EYS: variants seen among roughly 807,000 people sequenced by gnomAD.
EYS encodes the protein EGF-like photoreceptor maintenance factor.
Under a neutral mutation model 282.1 loss-of-function variants are expected in EYS, and 250 were observed. The observed-to-expected ratio is 0.89, with a 90% CI of 0.80 to 0.98. The LOEUF is 0.98. Ranked by LOEUF, EYS falls within the 50% of genes least tolerant of loss-of-function variation. The pLI, the probability that EYS is intolerant of heterozygous loss-of-function variation, is 0.00. For synonymous variants in EYS, 1,355 were observed against 1,282.9 expected, an observed-to-expected ratio of 1.06 and a Z score of -1.20; for missense variants, 4,016 against 3,709.0, an observed-to-expected ratio of 1.08 and a Z score of -2.15.
chr6:63,813,755 A>G (rs1004453008), intron 36 of EYS, among the ~76,000 whole-genome samples: 1 of 152,088 alleles, frequency 6.6e-6, no homozygotes, highest in African/African-American at 2.4e-5. Flanking sequence ...AATCCAATTC[A>G]GTTCTTCCTT....
At chr6:64,197,949 ATTAT>A (rs1390398130) in intron 31 of EYS, among the ~76,000 whole-genome samples, 1 of 151,376 alleles carries the variant, frequency 6.6e-6, no homozygotes, top group Non-Finnish European at 1.5e-5. Flanking sequence ...ATTATCCTCC[ATTAT>A]TTATTTTACA....
intron 22 of EYS, among the ~76,000 whole-genome samples, chr6:64,756,712 A>T (rs549253657): frequency 1.3e-5 from 2 of 152,336 alleles, no homozygotes; most frequent in South Asian, 4.1e-4. Context: ...CACAGAATAC[A>T]TCTTAGATGA....
intron 12 of EYS, among the ~76,000 whole-genome samples, chr6:65,274,240 A>G (rs1460638177): frequency 9.2e-5 from 14 of 152,200 alleles, no homozygotes; most frequent in Non-Finnish European, 4.4e-5. Flanking sequence ...CAAAAGCAAT[A>G]TAGTATTTAT....
chr6:64,626,040 A>G, intron 23 of EYS, 81 bp downstream of exon 23: 1 of 831,510 alleles, frequency 1.2e-6, no homozygotes, highest in Non-Finnish European at 1.9e-6. Context: ...AAATTGTATT[A>G]TACATACATG....
intron 12 of EYS, among the ~76,000 whole-genome samples, chr6:65,137,504 G>A (rs78284612): frequency 0.033 from 4,959 of 152,158 alleles, 118 homozygotes; most frequent in Middle Eastern, 0.061. Context: ...AGATGGAATG[G>A]AGAATCAGGG....
Position 64,626,130 on chromosome 6 carries a change from A to G in EYS, c.3559T>C (p.Cys1187Arg). ...TTTTTAAAATAATTACCTGGTTGGC[A>G]TTTGCAAACATATCCATTGATGTGA... Reference protein sequence around the residue: ...EDHINGYVCKCQPGWSGHHCE... With the variant: ...EDHINGYVCKRQPGWSGHHCE... The change falls in exon 23 of 43, where the codon TGC becomes CGC. Residue 1187 changes from cysteine (C) to arginine (R), a missense_variant. Transcript: ENST00000503581. 2 of 1,537,758 alleles carry G rather than the reference A, an allele frequency of 1.3e-6. No individual in the cohort carries two copies. Among genetic ancestry groups the G allele is most frequent in the African/African-American group, 1.4e-5 (1 of 72,776 alleles).
At chr6:64,542,995 T>C (rs952492422) in intron 26 of EYS, among the ~76,000 whole-genome samples, 9 of 152,126 alleles carry the variant, frequency 5.9e-5, no homozygotes, top group Non-Finnish European at 1.3e-4. Context: ...GAAATTGATG[T>C]CTTAGTTCAA....
chr6:64,244,611 A>T (rs905234640), intron 30 of EYS, among the ~76,000 whole-genome samples: 1 of 152,162 alleles, frequency 6.6e-6, no homozygotes, highest in East Asian at 1.9e-4. Context: ...TCCTGTTAAA[A>T]TATGTATTAT....
chr6:64,863,226 C>A, intron 19 of EYS, among the ~76,000 whole-genome samples: 1 of 152,080 alleles, frequency 6.6e-6, no homozygotes, highest in East Asian at 1.9e-4. Context: ...TTACTTTCAT[C>A]CATTTTAGTT....
intron 22 of EYS, among the ~76,000 whole-genome samples, chr6:64,687,693 T>C (rs1164303553): frequency 6.6e-6 from 1 of 152,364 alleles, no homozygotes; most frequent in African/African-American, 2.4e-5. Context: ...TTTTTTGTTG[T>C]GTCTCTGCCA....
intron 33 of EYS, among the ~76,000 whole-genome samples, chr6:64,062,683 C>T (rs1362880385): frequency 1.4e-5 from 2 of 140,654 alleles, no homozygotes; most frequent in Non-Finnish European, 3.0e-5. Flanking sequence ...AAGAGCAGAA[C>T]TCCAACTCAA....
chr6:64,840,234 G>T (rs1765521275), intron 19 of EYS, among the ~76,000 whole-genome samples: 1 of 151,968 alleles, frequency 6.6e-6, no homozygotes, highest in African/African-American at 2.4e-5. Context: ...GTTTAAAATG[G>T]TCACATACTA....
intron 35 of EYS, among the ~76,000 whole-genome samples, chr6:63,888,628 A>G (rs1240503096): frequency 1.3e-5 from 2 of 152,224 alleles, no homozygotes; most frequent in Non-Finnish European, 2.9e-5. Flanking sequence ...CAAAAACTCC[A>G]TCCAAAGGTC....
chr6:64,619,378 G>T (rs1767374527), intron 23 of EYS, among the ~76,000 whole-genome samples: 2 of 152,244 alleles, frequency 1.3e-5, no homozygotes, highest in Admixed American at 1.3e-4. Context: ...CTTCATTCAA[G>T]AGTACTGCAT....
chr6:63,940,316 T>TA (rs34912126), intron 35 of EYS, among the ~76,000 whole-genome samples: 3,670 of 146,108 alleles, frequency 0.025, 124 homozygotes, highest in African/African-American at 0.079. Context: ...AAACCATTGT[T>TA]AAAAAAAAAA....
intron 30 of EYS, among the ~76,000 whole-genome samples, chr6:64,234,800 T>A (rs1010075729): frequency 2.0e-5 from 3 of 152,130 alleles, no homozygotes; most frequent in Admixed American, 6.6e-5. Context: ...AGATAACATA[T>A]ATAGTTTTGG....
chr6:65,364,355 A>G (rs531131496), intron 8 of EYS, among the ~76,000 whole-genome samples: 1 of 151,420 alleles, frequency 6.6e-6, no homozygotes, highest in Admixed American at 6.7e-5. Flanking sequence ...GTCATTACAT[A>G]GGAAACAGTT....
At chr6:63,813,220 T>C (rs1350233940) in intron 36 of EYS, among the ~76,000 whole-genome samples, 1 of 152,198 alleles carries the variant, frequency 6.6e-6, no homozygotes, top group Non-Finnish European at 1.5e-5. Context: ...GCTCGAGCGA[T>C]CTGCCCACCT....
chr6:64,563,823 C>T (rs1386749119), intron 26 of EYS, among the ~76,000 whole-genome samples: 3 of 151,418 alleles, frequency 2.0e-5, no homozygotes, highest in African/African-American at 7.3e-5. Context: ...TATTATACAT[C>T]AGAATAAAAA....
Sources: gnomAD v4.1 joint callset for allele counts (sites outside exome capture counted in the v4.1 genomes callset) on GRCh38, gnomAD v4.1.1 for gene constraint, MANE v1.5 for transcripts, NCBI Gene and HGNC (gene_info 2026-07-23, HGNC 2026-07-21) for gene names.